MBNL1: variants seen among roughly 807,000 people sequenced by gnomAD.
The protein encoded by MBNL1 is muscleblind-like protein 1.
In MBNL1, 8 loss-of-function variants were observed where a neutral mutation model predicts 42.2. The observed-to-expected ratio is 0.19, with a 90% CI of 0.11 to 0.34. MBNL1 has a LOEUF of 0.34. Among genes scored for constraint, MBNL1 ranks in the 10% least tolerant of loss-of-function variants. The pLI, the probability that MBNL1 is intolerant of heterozygous loss-of-function variation, is 1.00. For missense variants in MBNL1, 309 were observed against 495.3 expected, an observed-to-expected ratio of 0.62 and a Z score of 3.57; for synonymous variants, 169 against 173.9, an observed-to-expected ratio of 0.97 and a Z score of 0.22.
intron 2 of MBNL1, among the ~76,000 whole-genome samples, chr3:152,303,746 C>T (rs890671434): frequency 7.1e-4 from 108 of 151,868 alleles, no homozygotes; most frequent in African/African-American, 2.3e-3. Context: ...AAAGCTTTTA[C>T]GATATGATCA....
chr3:152,372,009 A>C (rs1195072704), intron 2 of MBNL1, among the ~76,000 whole-genome samples: 1 of 151,452 alleles, frequency 6.6e-6, no homozygotes, highest in Admixed American at 6.6e-5. Context: ...CTTTTCATTC[A>C]TTTTTCTCTA....
chr3:152,352,349 G>A (rs1384009263), intron 2 of MBNL1, among the ~76,000 whole-genome samples: 1 of 152,058 alleles, frequency 6.6e-6, no homozygotes, highest in African/African-American at 2.4e-5. Context: ...CAGACATCTT[G>A]TTTTCTTCTA....
At chr3:152,380,507 C>G (rs1177919036) in intron 2 of MBNL1, among the ~76,000 whole-genome samples, 1 of 151,814 alleles carries the variant, frequency 6.6e-6, no homozygotes, top group Non-Finnish European at 1.5e-5. Context: ...AGATGTAAGC[C>G]CCTAAAGAGG....
intron 4 of MBNL1, among the ~76,000 whole-genome samples, chr3:152,442,314 C>T (rs967269585): frequency 6.6e-6 from 1 of 152,104 alleles, no homozygotes; most frequent in Non-Finnish European, 1.5e-5. Context: ...AAAGTATTCA[C>T]TCTGGAAATT....
chr3:152,269,535 C>G (rs1044302189), intron 1 of MBNL1: 3 of 455,396 alleles, frequency 6.6e-6, no homozygotes, highest in Admixed American at 2.4e-5. Flanking sequence ...CCATCCCGCC[C>G]GGTTTTCATC....
chr3:152,335,992 A>G (rs1691223511), intron 2 of MBNL1, among the ~76,000 whole-genome samples: 1 of 152,140 alleles, frequency 6.6e-6, no homozygotes, highest in African/African-American at 2.4e-5. Context: ...ACTACCGGAC[A>G]GTAAGTGTTT....
At chr3:152,340,749 A>G in intron 2 of MBNL1, 1 of 1,614,072 alleles carries the variant, frequency 6.2e-7, no homozygotes, top group Non-Finnish European at 8.5e-7. Flanking sequence ...GCTGAGAAGC[A>G]TCCAGGCCTG....
intron 2 of MBNL1, among the ~76,000 whole-genome samples, chr3:152,258,994 T>G (rs187632554): frequency 6.6e-6 from 1 of 152,288 alleles, no homozygotes; most frequent in Non-Finnish European, 1.5e-5. Context: ...TTCCAGAGCT[T>G]TGTAAGAATA....
At chr3:152,446,631 C>A in intron 5 of MBNL1, 1 of 1,162,640 alleles carries the variant, frequency 8.6e-7, no homozygotes, top group Non-Finnish European at 1.3e-6. Context: ...TGCACCTCTG[C>A]TTGCTGTTTA....
chr3:152,356,909 G>T (rs971646462), intron 2 of MBNL1, among the ~76,000 whole-genome samples: 2 of 150,310 alleles, frequency 1.3e-5, no homozygotes, highest in African/African-American at 4.9e-5. Flanking sequence ...ATATCTTAAT[G>T]CAAAATCATG....
intron 4 of MBNL1, among the ~76,000 whole-genome samples, chr3:152,441,269 T>TA (rs1163211249): frequency 6.6e-6 from 1 of 151,980 alleles, no homozygotes; most frequent in South Asian, 2.1e-4. Context: ...TTATAAAACT[T>TA]ACGTTATTTT....
At chr3:152,408,141 A>G (rs2098478201) in intron 2 of MBNL1, among the ~76,000 whole-genome samples, 1 of 152,180 alleles carries the variant, frequency 6.6e-6, no homozygotes. Flanking sequence ...GTACCCCAGA[A>G]CTTAAAACAA....
intron 2 of MBNL1, among the ~76,000 whole-genome samples, chr3:152,367,248 A>G (rs1009630766): frequency 2.0e-5 from 3 of 149,474 alleles, no homozygotes; most frequent in African/African-American, 7.4e-5. Flanking sequence ...TCATTGTTCA[A>G]CTCCCACTTA....
intron 2 of MBNL1, among the ~76,000 whole-genome samples, chr3:152,345,453 T>C: frequency 6.6e-6 from 1 of 152,140 alleles, no homozygotes; most frequent in East Asian, 1.9e-4. Flanking sequence ...AAGTGAGTAG[T>C]GTTTGGTAAT....
chr3:152,434,224 C>T (rs1423244357), intron 4 of MBNL1, among the ~76,000 whole-genome samples: 1 of 152,114 alleles, frequency 6.6e-6, no homozygotes, highest in African/African-American at 2.4e-5. Context: ...CTCAAATAGG[C>T]CCTAACATCT....
At chr3:152,292,657 A>T (rs1242359781) in intron 1 of MBNL1, among the ~76,000 whole-genome samples, 3 of 152,116 alleles carry the variant, frequency 2.0e-5, no homozygotes, top group African/African-American at 7.2e-5. Flanking sequence ...GTATTGTTAA[A>T]ACTTAGTCAT....
At chr3:152,443,561 G>GAGCC (rs1387962001) in intron 4 of MBNL1, among the ~76,000 whole-genome samples, 1 of 151,194 alleles carries the variant, frequency 6.6e-6, no homozygotes, top group Non-Finnish European at 1.5e-5. Flanking sequence ...GTATAGTGAT[G>GAGCC]AGCCTCACAT....
At chr3:152,311,854 C>T (rs1456876273) in intron 2 of MBNL1, among the ~76,000 whole-genome samples, 1 of 151,284 alleles carries the variant, frequency 6.6e-6, no homozygotes. Context: ...TCTGGGCATA[C>T]TGGGTATTTA....
Position 152,419,690 on chromosome 3 carries a change from TTTG to T in MBNL1, c.345+4582_345+4584del, listed in dbSNP as rs1560520703. On this transcript the variant is annotated intron_variant, in intron 3 of 9. Coordinates refer to ENST00000324210, the MANE Select transcript of MBNL1 (RefSeq NM_021038.5). ...TGAGCTGGCTGCAGGAGTTTTTTTG[TTTG>T]TTTGTTTGTTTGTTTGTTTGTTTGT... is the stretch of plus-strand genomic sequence containing the variant. Among the ~76,000 whole-genome samples, 13 of 23,068 alleles carry T rather than the reference TTTG, an allele frequency of 5.6e-4. No homozygotes were observed. In the East Asian group the frequency reaches 0.059, roughly 104 times the overall value. The allele number at this position is 23,068 out of a possible 152,430, so 15.1% of individuals were successfully genotyped here.
Sources: gnomAD v4.1 joint callset for allele counts (sites outside exome capture counted in the v4.1 genomes callset) on GRCh38, gnomAD v4.1.1 for gene constraint, MANE v1.5 for transcripts, NCBI Gene and HGNC (gene_info 2026-07-23, HGNC 2026-07-21) for gene names.